NTRK2: variants seen among roughly 807,000 people sequenced by gnomAD.
The protein encoded by NTRK2 is neurotrophic receptor tyrosine kinase 2.
A neutral mutation model predicts 94.5 loss-of-function variants in NTRK2; 13 were observed. The observed-to-expected ratio is 0.14, with a 90% CI of 0.09 to 0.22. The LOEUF (loss-of-function observed/expected upper bound fraction) is 0.22, where lower values mean the gene tolerates loss of function less well. Ranked by LOEUF, NTRK2 falls within the 10% of genes least tolerant of loss-of-function variation. The pLI, the probability that NTRK2 is intolerant of heterozygous loss-of-function variation, is 1.00. For synonymous variants in NTRK2, 372 were observed against 407.4 expected (o/e 0.91, Z 1.05); for missense variants, 639 against 1,071.2 (o/e 0.60, Z 5.63).
intron 12 of NTRK2, among the ~76,000 whole-genome samples, chr9:84,848,529 C>T (rs929246346): frequency 5.3e-5 from 8 of 152,130 alleles, no homozygotes; most frequent in African/African-American, 1.9e-4. Context: ...AGTTACGATT[C>T]TAGAACTATG....
chr9:84,815,436 C>T (rs199699861), intron 12 of NTRK2: 9 of 1,043,318 alleles, frequency 8.6e-6, no homozygotes, highest in East Asian at 5.7e-5. Context: ...TCCTAAGAAA[C>T]GCAAATCCTT....
chr9:84,738,669 T>A (rs1350980872), intron 9 of NTRK2, among the ~76,000 whole-genome samples: 1 of 152,230 alleles, frequency 6.6e-6, no homozygotes, highest in Admixed American at 6.5e-5. Flanking sequence ...TCATAAACAT[T>A]AGGTCTCTAT....
At chr9:84,687,556 T>C (rs971201213) in intron 2 of NTRK2, among the ~76,000 whole-genome samples, 7 of 152,208 alleles carry the variant, frequency 4.6e-5, no homozygotes, top group African/African-American at 1.7e-4. Context: ...CTAGAATCCA[T>C]GTGGTCATTA....
At chr9:84,864,408 T>C (rs752069807) in intron 13 of NTRK2, among the ~76,000 whole-genome samples, 6 of 152,130 alleles carry the variant, frequency 3.9e-5, no homozygotes, top group South Asian at 4.1e-4. Context: ...ACGGTGTTGC[T>C]GCTTGGGTGA....
At chr9:85,017,937 A>T (rs2133582527) in intron 17 of NTRK2, among the ~76,000 whole-genome samples, 1 of 152,380 alleles carries the variant, frequency 6.6e-6, no homozygotes, top group East Asian at 1.9e-4. Flanking sequence ...GGTAGGAAGA[A>T]GGTTAAAATG....
At chr9:85,003,074 G>T (rs528055640) in intron 17 of NTRK2, among the ~76,000 whole-genome samples, 1 of 152,150 alleles carries the variant, frequency 6.6e-6, no homozygotes, top group African/African-American at 2.4e-5. Flanking sequence ...TCTCTTTATT[G>T]TGTCCTTAGT....
chr9:84,697,303 G>A (rs559496276), intron 2 of NTRK2, among the ~76,000 whole-genome samples: 55 of 152,246 alleles, frequency 3.6e-4, no homozygotes, highest in African/African-American at 1.1e-3. Flanking sequence ...CTCTGGGGGC[G>A]GAGGGGCTGT....
At chr9:84,923,283 T>G (rs752672633) in intron 14 of NTRK2, among the ~76,000 whole-genome samples, 25 of 152,208 alleles carry the variant, frequency 1.6e-4, no homozygotes, top group Non-Finnish European at 3.1e-4. Flanking sequence ...TTGGCCCCAA[T>G]GACTCCATGG....
intron 12 of NTRK2, chr9:84,814,323 C>A: frequency 9.4e-7 from 1 of 1,065,302 alleles, no homozygotes; most frequent in Non-Finnish European, 1.1e-6. Context: ...GAGTAAATAG[C>A]TCGAAGAGCT....
chr9:84,750,622 A>G (rs1404891312), intron 11 of NTRK2, among the ~76,000 whole-genome samples: 1 of 152,228 alleles, frequency 6.6e-6, no homozygotes, highest in African/African-American at 2.4e-5. Context: ...TTGTTTACAT[A>G]TCATCATTGG....
intron 13 of NTRK2, among the ~76,000 whole-genome samples, chr9:84,864,753 T>C (rs2075505382): frequency 7.0e-6 from 1 of 143,860 alleles, no homozygotes; most frequent in African/African-American, 2.7e-5. Flanking sequence ...TTTTTTTTTT[T>C]TTTTTGAAAC....
chr9:84,877,599 C>T, intron 14 of NTRK2: 1 of 1,065,994 alleles, frequency 9.4e-7, no homozygotes, highest in Non-Finnish European at 1.1e-6. Context: ...GCTGCTGCTG[C>T]ACCATGTTGG....
At chr9:84,945,557 C>T (rs551164140) in intron 15 of NTRK2, among the ~76,000 whole-genome samples, 4 of 152,054 alleles carry the variant, frequency 2.6e-5, no homozygotes, top group Non-Finnish European at 5.9e-5. Flanking sequence ...TGAAGTTCAG[C>T]GAGATAAGCA....
At chr9:84,747,399 G>A (rs1190212273) in intron 11 of NTRK2, among the ~76,000 whole-genome samples, 4 of 150,412 alleles carry the variant, frequency 2.7e-5, no homozygotes, top group African/African-American at 9.8e-5. Flanking sequence ...AAAGTTGTTT[G>A]TGTACGTAAG....
intron 12 of NTRK2, among the ~76,000 whole-genome samples, chr9:84,769,008 A>G (rs1250919000): frequency 6.6e-6 from 1 of 152,104 alleles, no homozygotes; most frequent in African/African-American, 2.4e-5. Flanking sequence ...TAGGATTCTT[A>G]CCAATCCAAG....
intron 12 of NTRK2, among the ~76,000 whole-genome samples, chr9:84,762,852 C>G (rs2065706593): frequency 6.6e-6 from 1 of 152,160 alleles, no homozygotes; most frequent in South Asian, 2.1e-4. Context: ...CTCCCTTACT[C>G]AGGTTGCATT....
rs369162349 is a variant in NTRK2 at position 84,870,320 on chromosome 9, G to GGTGTGTGT, written c.1633+2894_1633+2901dup. ...TACATGTACATATACATATATGTGG[G>GGTGTGTGT]GTGTGTGTGTGTATATATATATATA... On this transcript the variant is annotated intron_variant, in intron 14 of 18. Transcript: ENST00000277120. Among the ~76,000 whole-genome samples the GGTGTGTGT allele has an allele frequency of 1.5e-3, 68 of 46,340 alleles. 1 individual carries two copies. The highest frequency in any genetic ancestry group is 3.2e-3 in the East Asian group (5 of 1,548). The allele number at this position is 46,340 out of a possible 152,430, so 30.4% of individuals were successfully genotyped here. A position where few individuals can be genotyped will look rare whatever the true frequency, so the allele number is the denominator to read the frequency against.
At chr9:84,957,771 T>C (rs1758389183) in intron 17 of NTRK2, among the ~76,000 whole-genome samples, 1 of 152,226 alleles carries the variant, frequency 6.6e-6, no homozygotes. Context: ...AATAATATGT[T>C]CCCACAAAAA....
At chr9:84,788,787 C>T (rs1396702397) in intron 12 of NTRK2, among the ~76,000 whole-genome samples, 9 of 152,104 alleles carry the variant, frequency 5.9e-5, no homozygotes, top group Admixed American at 5.9e-4. Flanking sequence ...AGGGCTTCCT[C>T]AGCTTTGCGA....
Sources: gnomAD v4.1 joint callset for allele counts (sites outside exome capture counted in the v4.1 genomes callset) on GRCh38, gnomAD v4.1.1 for gene constraint, MANE v1.5 for transcripts, NCBI Gene and HGNC (gene_info 2026-07-23, HGNC 2026-07-21) for gene names.